TMEM135: variants seen among roughly 807,000 people sequenced by gnomAD.
The protein encoded by TMEM135 is transmembrane protein 135.
A neutral mutation model predicts 60.3 loss-of-function variants in TMEM135; 30 were observed. The ratio of observed to expected loss-of-function variants is 0.50; its 90% CI spans 0.37 to 0.68. The LOEUF is 0.68. TMEM135 is among the 30% of genes least tolerant of loss of function. TMEM135 has a pLI of 0.00. For missense variants in TMEM135, 468 were observed against 548.8 expected (o/e 0.85, Z 1.47); for synonymous variants, 190 against 186.7 (o/e 1.02, Z -0.14).
chr11:87,146,667 A>G (rs1411736665), intron 4 of TMEM135, among the ~76,000 whole-genome samples: 1 of 152,208 alleles, frequency 6.6e-6, no homozygotes, highest in Non-Finnish European at 1.5e-5. Context: ...ACATCCGTTA[A>G]TCTCAAAAAG....
At chr11:87,295,679 T>G (rs1489521273) in intron 6 of TMEM135, 103 bp from the exon 7 acceptor site, 2 of 977,526 alleles carry the variant, frequency 2.0e-6, no homozygotes, top group African/African-American at 1.7e-5. Flanking sequence ...GATTTTTGCC[T>G]TAAGAGTTTC....
At position 87,326,594 on chromosome 11, in the gene TMEM135, C is replaced by A; in HGVS notation, c.*5261C>A. On this transcript the variant is annotated 3_prime_UTR_variant, in exon 15 of 15. Transcript: ENST00000305494. ...GAAGAGACTATAAACATATTTTAAG[C>A]CTTATCTCTTTTCTCCTATTCTTTT... 1 of 454,008 alleles carries A rather than the reference C, an allele frequency of 2.2e-6. No individual in the cohort carries two copies. The highest frequency in any genetic ancestry group is 1.6e-5 in the South Asian group (1 of 64,472). 28.1% of individuals were successfully genotyped at this position (454,008 alleles called of 1,614,324 possible).
At chr11:87,305,864 C>A in intron 8 of TMEM135, 72 bp from the exon 9 acceptor site, 1 of 1,076,788 alleles carries the variant, frequency 9.3e-7, no homozygotes, top group Non-Finnish European at 1.3e-6. Flanking sequence ...AACAGATCCA[C>A]AAACATGTAC....
rs534508711 is a variant in TMEM135 at position 87,112,697 on chromosome 11, A to G, written c.396+21302A>G. On this transcript the variant is annotated intron_variant, in intron 4 of 14. Coordinates refer to ENST00000305494, the MANE Select transcript of TMEM135 (RefSeq NM_022918.4). Reference sequence around the variant, plus strand: ...AAGAGTTTAAGTACTTTAGTTTTAAAACAATACATTATATGTTAAATTTTT... The same window carrying G: ...AAGAGTTTAAGTACTTTAGTTTTAAGACAATACATTATATGTTAAATTTTT... Among the ~76,000 whole-genome samples the G allele has an allele frequency of 3.3e-5, 5 of 152,250 alleles. No homozygotes were observed. In the South Asian group the frequency reaches 1.0e-3, roughly 32 times the overall value.
At chr11:87,182,348 T>TA (rs1213336581) in intron 5 of TMEM135, among the ~76,000 whole-genome samples, 1 of 152,182 alleles carries the variant, frequency 6.6e-6, no homozygotes, top group African/African-American at 2.4e-5. Context: ...AGACTTGTAA[T>TA]ACTGGATCTT....
chr11:87,075,429 C>T lies in TMEM135; in HGVS notation c.362+3814C>T, dbSNP rs75966869. ...TCAGCCTCCCAGAGTGTTGGGATTACAGGCGTTCGCCACTGCACCCGGTCC... is the reference window on the plus strand; with the variant it reads ...TCAGCCTCCCAGAGTGTTGGGATTATAGGCGTTCGCCACTGCACCCGGTCC... On this transcript the variant is annotated intron_variant, in intron 3 of 14. Transcript: ENST00000305494. Among the ~76,000 whole-genome samples the T allele has an allele frequency of 5.1e-4, 77 of 152,284 alleles. 1 individual carries two copies. The East Asian group carries it at 0.012, about 24-fold the overall frequency.
At chr11:87,259,169 G>T (rs1015303377) in intron 6 of TMEM135, 3 of 593,518 alleles carry the variant, frequency 5.1e-6, no homozygotes, top group African/African-American at 3.7e-5. Flanking sequence ...GCTTCTCCTC[G>T]TCGTCCTCCT....
chr11:87,056,132 G>C (rs1192117214), intron 1 of TMEM135, among the ~76,000 whole-genome samples: 2 of 152,136 alleles, frequency 1.3e-5, no homozygotes, highest in Non-Finnish European at 2.9e-5. Flanking sequence ...TGCAAGAATT[G>C]ATAAAGCAAA....
chr11:87,175,394 C>G (rs1939342225), intron 5 of TMEM135, among the ~76,000 whole-genome samples: 1 of 152,116 alleles, frequency 6.6e-6, no homozygotes, highest in African/African-American at 2.4e-5. Flanking sequence ...TGGTGTAGAC[C>G]AAGAAGGCCA....
At chr11:87,070,340 T>A (rs569746898) in intron 2 of TMEM135, among the ~76,000 whole-genome samples, 1 of 152,142 alleles carries the variant, frequency 6.6e-6, no homozygotes, top group Non-Finnish European at 1.5e-5. Context: ...TCCTCATGTC[T>A]CCAAATATTT....
intron 5 of TMEM135, among the ~76,000 whole-genome samples, chr11:87,191,914 C>G (rs1939808185): frequency 2.0e-5 from 3 of 150,564 alleles, no homozygotes; most frequent in South Asian, 4.2e-4. Flanking sequence ...GAGAAGTCAT[C>G]TGGACGTGGG....
intron 4 of TMEM135, among the ~76,000 whole-genome samples, chr11:87,099,472 A>G (rs534983990): frequency 9.9e-5 from 15 of 152,102 alleles, no homozygotes; most frequent in Non-Finnish European, 2.1e-4. Flanking sequence ...TATTTAATTG[A>G]TACAGTCAGG....
intron 11 of TMEM135, 109 bp from the exon 12 acceptor site, chr11:87,314,362 G>A: frequency 3.4e-6 from 3 of 892,944 alleles, no homozygotes; most frequent in Non-Finnish European, 5.4e-6. Flanking sequence ...TGATTGTGTT[G>A]TAACAAGAGA....
intron 5 of TMEM135, among the ~76,000 whole-genome samples, chr11:87,220,306 A>G (rs963698001): frequency 1.3e-5 from 2 of 152,220 alleles, no homozygotes; most frequent in Admixed American, 6.5e-5. Context: ...GCTGACATAT[A>G]TAAACATACC....
intron 4 of TMEM135, among the ~76,000 whole-genome samples, chr11:87,145,627 G>T (rs1938393072): frequency 6.6e-6 from 1 of 151,806 alleles, no homozygotes; most frequent in African/African-American, 2.4e-5. Flanking sequence ...CATTCTGACA[G>T]GTGTGAGATG....
intron 5 of TMEM135, among the ~76,000 whole-genome samples, chr11:87,176,673 G>A (rs1320998948): frequency 6.6e-6 from 1 of 152,136 alleles, no homozygotes; most frequent in African/African-American, 2.4e-5. Context: ...GTTAAGGTAG[G>A]TTGAAGAGTT....
chr11:87,317,550 TA>T (rs1942754161), intron 12 of TMEM135, among the ~76,000 whole-genome samples: 1 of 152,112 alleles, frequency 6.6e-6, no homozygotes, highest in Admixed American at 6.6e-5. Context: ...GCTCTTTGGT[TA>T]TGGTAGCTTA....
rs1023238084 is a variant in TMEM135 at position 87,057,894 on chromosome 11, C to T, written c.142-9800C>T. Among the ~76,000 whole-genome samples, 51 of 152,026 alleles carry T rather than the reference C, an allele frequency of 3.4e-4. 1 individual carries two copies. Among genetic ancestry groups the T allele is most frequent in the Admixed American group, 1.4e-3 (21 of 15,236 alleles). Reference sequence around the variant, plus strand: ...AATGCCAAGATCTGCAGTTGGCATGCTGGAGACCCAGAGAGCCAATGTGTA... The same window carrying T: ...AATGCCAAGATCTGCAGTTGGCATGTTGGAGACCCAGAGAGCCAATGTGTA... On this transcript the variant is annotated intron_variant, in intron 1 of 14. Transcript: ENST00000305494.
Position 87,321,603 on chromosome 11 carries a change from G to A in TMEM135, c.*270G>A, listed in dbSNP as rs755853608. 32 of 591,284 alleles carry A rather than the reference G, an allele frequency of 5.4e-5. No individual in the cohort carries two copies. The highest frequency in any genetic ancestry group is 9.4e-5 in the Non-Finnish European group (30 of 317,808). 36.6% of individuals were successfully genotyped at this position (591,284 alleles called of 1,614,324 possible). ...ATTATTGATCAAATTATGTCCACAA[G>A]CAATATTATATAATCTACGTAGAAG... On this transcript the variant is annotated 3_prime_UTR_variant, in exon 15 of 15. Transcript: ENST00000305494.
Sources: allele counts gnomAD v4.1 joint callset (sites outside exome capture counted in the v4.1 genomes callset), GRCh38; gene constraint gnomAD v4.1.1; transcripts MANE v1.5; gene names NCBI Gene and HGNC (gene_info 2026-07-23, HGNC 2026-07-21).